The following TIAM2 variants were observed in gnomAD, a reference collection of about 807,000 sequenced individuals.
The protein encoded by TIAM2 is TIAM Rac1 associated GEF 2, also known as rho guanine nucleotide exchange factor TIAM2.
Under a neutral mutation model 152.9 loss-of-function variants are expected in TIAM2, and 80 were observed. The ratio of observed to expected loss-of-function variants is 0.52; its 90% confidence interval spans 0.44 to 0.63. The LOEUF is 0.63. TIAM2 is among the 30% of genes least tolerant of loss of function. The pLI, the probability that TIAM2 is intolerant of heterozygous loss-of-function variation, is 0.00. For synonymous variants in TIAM2, 804 were observed against 838.0 expected (o/e 0.96, Z 0.70); for missense variants, 1,965 against 2,120.1 (o/e 0.93, Z 1.44).
At chr6:155,180,828 T>G (rs539043296) in intron 12 of TIAM2, among the ~76,000 whole-genome samples, 37 of 152,198 alleles carry the variant, frequency 2.4e-4, no homozygotes, top group Non-Finnish European at 4.1e-4. Context: ...AGGCTGCTCT[T>G]GAACTCCTGG....
chr6:155,089,219 G>A (rs1043797623), intron 1 of TIAM2, among the ~76,000 whole-genome samples: 10 of 149,960 alleles, frequency 6.7e-5, no homozygotes, highest in African/African-American at 1.5e-4. Context: ...GTTTTTTTTC[G>A]GGGGGGTGGG....
At chr6:155,147,765 G>A (rs546725234) in intron 6 of TIAM2, among the ~76,000 whole-genome samples, 1 of 152,298 alleles carries the variant, frequency 6.6e-6, no homozygotes, top group East Asian at 1.9e-4. Flanking sequence ...GATTACAGGC[G>A]TGAGCCACCG....
Position 155,103,497 on chromosome 6 carries a change from G to A in TIAM2, c.-118+13118G>A, listed in dbSNP as rs566371696. 6.5e-4 allele frequency among the ~76,000 whole-genome samples: 99 copies of A among 152,188 alleles called. No homozygotes were observed. The Middle Eastern group carries it at 0.017, about 26-fold the overall frequency. On this transcript the variant is annotated intron_variant, in intron 2 of 26. Coordinates refer to ENST00000682666, the MANE Select transcript of TIAM2 (RefSeq NM_012454.4). ...CTAGCACTTTGGGAGGCTGAGGCGG[G>A]TGGATCACCTGAGATCAGGAGTTCA... is the stretch of plus-strand genomic sequence containing the variant.
chr6:155,142,163 G>C (rs1562330183), intron 5 of TIAM2, among the ~76,000 whole-genome samples: 3 of 152,194 alleles, frequency 2.0e-5, no homozygotes. Flanking sequence ...GGTGCAGCCC[G>C]TTTCCACTGG....
intron 1 of TIAM2, among the ~76,000 whole-genome samples, chr6:155,048,083 G>C (rs1393025791): frequency 3.3e-5 from 5 of 152,012 alleles, no homozygotes; most frequent in Non-Finnish European, 5.9e-5. Flanking sequence ...CTCGCAAGTA[G>C]CTGGGACTAC....
intron 1 of TIAM2, among the ~76,000 whole-genome samples, chr6:155,042,020 C>A (rs181523045): frequency 2.0e-5 from 3 of 151,960 alleles, no homozygotes; most frequent in Non-Finnish European, 2.9e-5. Context: ...TCCAACCAGA[C>A]TTTTTTTCTT....
intron 14 of TIAM2, among the ~76,000 whole-genome samples, chr6:155,194,881 C>T (rs1215900947): frequency 6.6e-6 from 1 of 152,130 alleles, no homozygotes; most frequent in East Asian, 1.9e-4. Flanking sequence ...ATGCTGTTCT[C>T]ATGATAGTGA....
chr6:155,003,320 A>G (rs768337741), intron 1 of TIAM2, among the ~76,000 whole-genome samples: 1 of 152,026 alleles, frequency 6.6e-6, no homozygotes, highest in Non-Finnish European at 1.5e-5. Flanking sequence ...CAGGTCACCT[A>G]AACATTTGAG....
Position 155,179,475 on chromosome 6 carries a change from C to T in TIAM2, c.2707+19C>T, listed in dbSNP as rs199860591. The T allele has an allele frequency of 6.9e-5, 109 of 1,585,614 alleles. No homozygotes were observed. Among genetic ancestry groups the T allele is most frequent in the Non-Finnish European group, 8.6e-5 (101 of 1,168,596 alleles). On this transcript the variant is annotated intron_variant, in intron 12 of 26. Coordinates refer to ENST00000682666, the MANE Select transcript of TIAM2 (RefSeq NM_012454.4). ...GACTTTGGTGAGTGTAAGGAATGCC[C>T]CTTTCAGGGAATTGTGTTGTTCATC...
At chr6:155,203,168 G>A (rs1462600312) in intron 14 of TIAM2, among the ~76,000 whole-genome samples, 2 of 151,848 alleles carry the variant, frequency 1.3e-5, no homozygotes, top group African/African-American at 4.8e-5. Flanking sequence ...TGTAATAGTG[G>A]GTGAAGCTTG....
At chr6:155,132,470 C>T (rs1779470075) in intron 4 of TIAM2, among the ~76,000 whole-genome samples, 2 of 151,912 alleles carry the variant, frequency 1.3e-5, no homozygotes, top group South Asian at 4.2e-4. Flanking sequence ...GATCAGCATC[C>T]TGTTTTCAGG....
At chr6:155,140,576 G>A (rs1262432611) in intron 5 of TIAM2, among the ~76,000 whole-genome samples, 3 of 49,432 alleles carry the variant, frequency 6.1e-5, no homozygotes, top group Non-Finnish European at 1.0e-4. Flanking sequence ...GTGTGTGTGA[G>A]AGAGAGAGAG....
chr6:155,022,251 A>G (rs1583154696), intron 1 of TIAM2: 2 of 152,166 alleles, frequency 1.3e-5, no homozygotes, highest in South Asian at 2.1e-4. Context: ...TAGAAAGTGG[A>G]GCCATATTTA....
chr6:155,203,552 A>G (rs1313042986), intron 14 of TIAM2, among the ~76,000 whole-genome samples: 2 of 152,246 alleles, frequency 1.3e-5, no homozygotes, highest in African/African-American at 4.8e-5. Context: ...CTCTAATGCC[A>G]AAGTGGATTA....
At chr6:155,083,453 A>G (rs2114970052) in intron 1 of TIAM2, among the ~76,000 whole-genome samples, 1 of 152,144 alleles carries the variant, frequency 6.6e-6, no homozygotes, top group East Asian at 1.9e-4. Flanking sequence ...GTGGCCACAC[A>G]GCTGGTTTCC....
intron 1 of TIAM2, among the ~76,000 whole-genome samples, chr6:155,029,586 A>G (rs55650376): frequency 0.21 from 15,843 of 75,868 alleles, 1,885 homozygotes; most frequent in East Asian, 0.33. Context: ...ATATATAACT[A>G]TATAGTATAT....
intron 9 of TIAM2, among the ~76,000 whole-genome samples, chr6:155,166,358 C>T (rs1780436549): frequency 6.7e-6 from 1 of 149,726 alleles, no homozygotes; most frequent in Non-Finnish European, 1.5e-5. Context: ...GAGTCTTGCT[C>T]TGTCACCCAG....
intron 1 of TIAM2, among the ~76,000 whole-genome samples, chr6:155,011,532 C>T (rs1429597039): frequency 6.6e-6 from 1 of 151,960 alleles, no homozygotes; most frequent in Non-Finnish European, 1.5e-5. Flanking sequence ...TCTCAATGCA[C>T]ACTTCCTTCG....
At chr6:155,164,921 G>T (rs1375699015) in intron 8 of TIAM2, among the ~76,000 whole-genome samples, 3 of 152,150 alleles carry the variant, frequency 2.0e-5, no homozygotes, top group Non-Finnish European at 4.4e-5. Flanking sequence ...AAGATTAAAG[G>T]ATGGATTAAA....
Sources: gnomAD v4.1 joint callset for allele counts (sites outside exome capture counted in the v4.1 genomes callset) on GRCh38, gnomAD v4.1.1 for gene constraint, MANE v1.5 for transcripts, NCBI Gene and HGNC (gene_info 2026-07-23, HGNC 2026-07-21) for gene names.